Variants in RAB11FIP4 observed in about 807,000 individuals in gnomAD.
RAB11FIP4 encodes rab11 family-interacting protein 4.
Under a neutral mutation model 74.3 loss-of-function variants are expected in RAB11FIP4, and 23 were observed. That is an observed-to-expected ratio of 0.31 (90% CI 0.22 to 0.44). The LOEUF (loss-of-function observed/expected upper bound fraction) is 0.44. Ranked by LOEUF, RAB11FIP4 falls within the 20% of genes least tolerant of loss-of-function variation. The pLI is 1.00. For synonymous variants in RAB11FIP4, 360 were observed against 359.9 expected, an observed-to-expected ratio of 1.00 and a Z score of 0.00; for missense variants, 630 against 863.9, an observed-to-expected ratio of 0.73 and a Z score of 3.39.
intron 3 of RAB11FIP4, among the ~76,000 whole-genome samples, chr17:31,472,403 C>A (rs1286921361): frequency 6.6e-6 from 1 of 152,146 alleles, no homozygotes; most frequent in African/African-American, 2.4e-5. Flanking sequence ...CGCGCTGAGT[C>A]ATGGCTCTCA....
chr17:31,399,707 A>G (rs530967641), intron 1 of RAB11FIP4, among the ~76,000 whole-genome samples: 5 of 148,842 alleles, frequency 3.4e-5, no homozygotes, highest in Non-Finnish European at 7.5e-5. Flanking sequence ...AGCGAGACTC[A>G]GTCTCAAAAA....
intron 11 of RAB11FIP4, among the ~76,000 whole-genome samples, chr17:31,528,151 G>T (rs2072800762): frequency 6.6e-6 from 1 of 152,140 alleles, no homozygotes; most frequent in South Asian, 2.1e-4. Context: ...CTTCTATTTG[G>T]GCTAACACCT....
intron 1 of RAB11FIP4, among the ~76,000 whole-genome samples, chr17:31,426,578 C>CA (rs2071251903): frequency 1.4e-5 from 2 of 141,896 alleles, no homozygotes; most frequent in Admixed American, 1.5e-4. Context: ...CACCTGTTTT[C>CA]TTTTTTTTCT....
intron 3 of RAB11FIP4, among the ~76,000 whole-genome samples, chr17:31,516,547 G>A (rs1024451068): frequency 6.6e-6 from 1 of 152,228 alleles, no homozygotes; most frequent in Admixed American, 6.5e-5. Context: ...TTGGCTCACC[G>A]CAAGCTCCGC....
chr17:31,394,025 G>C (rs1048119846), intron 1 of RAB11FIP4, among the ~76,000 whole-genome samples: 15 of 152,104 alleles, frequency 9.9e-5, no homozygotes, highest in Admixed American at 1.3e-4. Context: ...AAACCTCCAG[G>C]GATCTGTTTT....
At chr17:31,520,056 A>G (rs981243194) in intron 4 of RAB11FIP4, among the ~76,000 whole-genome samples, 2 of 150,126 alleles carry the variant, frequency 1.3e-5, no homozygotes, top group East Asian at 2.0e-4. Flanking sequence ...GGTTGCACCA[A>G]TGCACTCCAG....
intron 1 of RAB11FIP4, among the ~76,000 whole-genome samples, chr17:31,422,765 A>G (rs1330897586): frequency 1.3e-5 from 2 of 151,430 alleles, no homozygotes; most frequent in Admixed American, 6.6e-5. Flanking sequence ...TCTAGCATCT[A>G]TTTTTCTGCA....
intron 3 of RAB11FIP4, among the ~76,000 whole-genome samples, chr17:31,450,849 T>G (rs546929262): frequency 1.7e-4 from 25 of 148,862 alleles, no homozygotes; most frequent in Non-Finnish European, 1.6e-4. Flanking sequence ...CCCTTTGATC[T>G]GATCCAGCTC....
chr17:31,395,250 A>G (rs1388690455), intron 1 of RAB11FIP4, among the ~76,000 whole-genome samples: 1 of 152,254 alleles, frequency 6.6e-6, no homozygotes, highest in Admixed American at 6.5e-5. Context: ...ACAGATGATA[A>G]TAAATAAATA....
At position 31,512,137 on chromosome 17, in the gene RAB11FIP4, C is replaced by G. The variant is rs768689067; in HGVS notation, c.337-5514C>G. 4.6e-5 allele frequency among the ~76,000 whole-genome samples: 7 copies of G among 152,194 alleles called. No homozygotes were observed. The highest frequency in any genetic ancestry group is 1.0e-4 in the Non-Finnish European group (7 of 68,024). On this transcript the variant is annotated intron_variant, in intron 3 of 14. Transcript: ENST00000621161. The surrounding 1 kb of genome is among the most constrained non-coding windows in gnomAD (Gnocchi z 4.1). ...GGCTGCTCGTCTGTCCAGGACATTGCTGGCTGACCAGCCGGGGACCCATGG... is the reference window on the plus strand; with the variant it reads ...GGCTGCTCGTCTGTCCAGGACATTGGTGGCTGACCAGCCGGGGACCCATGG...
At chr17:31,506,531 C>T (rs2072352136) in intron 3 of RAB11FIP4, among the ~76,000 whole-genome samples, 1 of 152,172 alleles carries the variant, frequency 6.6e-6, no homozygotes, top group Non-Finnish European at 1.5e-5. Context: ...CCAACCTTTC[C>T]CCGTCCTCCC....
At position 31,496,491 on chromosome 17, in the gene RAB11FIP4, G is replaced by T. The variant is rs528629059; in HGVS notation, c.337-21160G>T. On this transcript the variant is annotated intron_variant, in intron 3 of 14. Transcript: ENST00000621161. ...GCAGAGGGAAACTGGTGTTCCAAGG[G>T]CTTCTTGACTCAGTTTATAATCCTT... Among the ~76,000 whole-genome samples, 43 of 152,328 alleles carry T rather than the reference G, an allele frequency of 2.8e-4. 1 individual carries two copies. The highest frequency in any genetic ancestry group is 2.7e-3 in the Admixed American group (42 of 15,304).
In RAB11FIP4 at chr17:31,513,179, T is replaced by C. The variant is rs529407768; in HGVS notation, c.337-4472T>C. On this transcript the variant is annotated intron_variant, in intron 3 of 14. Coordinates refer to ENST00000621161, the MANE Select transcript of RAB11FIP4 (RefSeq NM_032932.6). ...TGCTCAACAGGGGGCTCCGCGTGAT[T>C]CTTACCTGCAGGCAGCCTGGCCGGA... Among the ~76,000 whole-genome samples the C allele has an allele frequency of 1.1e-4, 16 of 152,266 alleles. No individual in the cohort carries two copies. The East Asian group carries it at 3.1e-3, about 29-fold the overall frequency.
At position 31,457,919 on chromosome 17, in the gene RAB11FIP4, G is replaced by T. The variant is rs373353280; in HGVS notation, c.336+23797G>T. Among the ~76,000 whole-genome samples the T allele has an allele frequency of 6.6e-5, 10 of 152,168 alleles. No individual in the cohort carries two copies. The East Asian group carries it at 1.9e-3, about 29-fold the overall frequency. On this transcript the variant is annotated intron_variant, in intron 3 of 14. Coordinates refer to ENST00000621161, the MANE Select transcript of RAB11FIP4 (RefSeq NM_032932.6). ...CCCATCTCTCTCTGTCCTGAAGTCT[G>T]CATTCTCAACACAGGGAACCTTCCA...
At chr17:31,445,568 ATATATATATATTTTTTTTTT>A (rs1246733401) in intron 3 of RAB11FIP4, among the ~76,000 whole-genome samples, 82 of 12,674 alleles carry the variant, frequency 6.5e-3, no homozygotes, top group African/African-American at 0.024. Context: ...ATATATATAT[ATATATATATATTTTTTTTTT>A]TTTTTTTTTT....
At chr17:31,439,076 C>T (rs1442925535) in intron 3 of RAB11FIP4, among the ~76,000 whole-genome samples, 1 of 152,198 alleles carries the variant, frequency 6.6e-6, no homozygotes, top group Non-Finnish European at 1.5e-5. Flanking sequence ...ACTGCCTGAA[C>T]CTCACCCTTC....
At chr17:31,408,461 T>C (rs758728197) in intron 1 of RAB11FIP4, among the ~76,000 whole-genome samples, 1 of 152,208 alleles carries the variant, frequency 6.6e-6, no homozygotes, top group African/African-American at 2.4e-5. Context: ...AATTAAGTAC[T>C]TTTTTTCCAT....
At chr17:31,516,670 G>A (rs936012848) in intron 3 of RAB11FIP4, among the ~76,000 whole-genome samples, 4 of 152,142 alleles carry the variant, frequency 2.6e-5, no homozygotes, top group South Asian at 2.1e-4. Flanking sequence ...GGGTTTCACC[G>A]TATTAGCCAG....
intron 3 of RAB11FIP4, among the ~76,000 whole-genome samples, chr17:31,464,749 CTTTTTTTTTTTTT>C (rs58083480): frequency 6.1e-4 from 24 of 39,640 alleles, no homozygotes; most frequent in African/African-American, 2.3e-3. Flanking sequence ...CTGTGCCCGG[CTTTTTTTTTTTTT>C]TTTTTTTTTT....
Sources: gnomAD v4.1 joint callset for allele counts (sites outside exome capture counted in the v4.1 genomes callset) on GRCh38, gnomAD v4.1.1 for gene constraint, Gnocchi (gnomAD v3.1) non-coding constraint, MANE v1.5 for transcripts, NCBI Gene and HGNC (gene_info 2026-07-23, HGNC 2026-07-21) for gene names.